Variants in SAAL1 observed in about 807,000 individuals in gnomAD.
The protein encoded by SAAL1 is serum amyloid A like 1.
Under a neutral mutation model 59.8 loss-of-function variants are expected in SAAL1, and 42 were observed. That is an observed-to-expected ratio of 0.70 (90% confidence interval 0.55 to 0.91). The LOEUF (loss-of-function observed/expected upper bound fraction) is 0.91, where lower values mean the gene tolerates loss of function less well. SAAL1 is among the 40% of genes least tolerant of loss of function. SAAL1 has a pLI of 0.00. For missense variants in SAAL1, 542 were observed against 561.1 expected (o/e 0.97, Z 0.34); for synonymous variants, 191 against 194.3 (o/e 0.98, Z 0.14).
chr11:18,097,093 C>T (rs186849365), intron 2 of SAAL1, among the ~76,000 whole-genome samples: 10 of 152,012 alleles, frequency 6.6e-5, no homozygotes, highest in Middle Eastern at 3.4e-3. Context: ...AAAAATTAGC[C>T]GGGCATGGCG....
intron 1 of SAAL1, among the ~76,000 whole-genome samples, chr11:18,104,266 G>A (rs539585293): frequency 2.5e-4 from 38 of 152,154 alleles, no homozygotes; most frequent in African/African-American, 8.9e-4. Context: ...ACCCATAATC[G>A]TTTAGAAGTC....
intron 2 of SAAL1, among the ~76,000 whole-genome samples, chr11:18,102,555 G>A (rs865929439): frequency 5.9e-5 from 9 of 151,706 alleles, no homozygotes; most frequent in South Asian, 2.1e-4. Flanking sequence ...CTGTATTTCC[G>A]GAAAAAAAGG....
chr11:18,087,516 T>A (rs1188885156), intron 7 of SAAL1, among the ~76,000 whole-genome samples: 1 of 152,224 alleles, frequency 6.6e-6, no homozygotes, highest in East Asian at 1.9e-4. Flanking sequence ...ACCTACCAGT[T>A]GATACTTTAT....
rs373111172 is a variant in SAAL1 at position 18,080,374 on chromosome 11, T to C, written c.*25A>G. The C allele has an allele frequency of 3.6e-6, 5 of 1,394,786 alleles. No individual in the cohort carries two copies. The African/African-American group carries it at 5.8e-5, about 16-fold the overall frequency. The allele number at this position is 1,394,786 out of a possible 1,614,324, so 86.4% of individuals were successfully genotyped here. A position where few individuals can be genotyped will look rare whatever the true frequency, so the allele number is the denominator to read the frequency against. Reference sequence around the variant, plus strand: ...TGAGAAAAATAAAGTTTATTTCTTGTACAGAAGTAATTCCAATTCAGGTTT... The same window carrying C: ...TGAGAAAAATAAAGTTTATTTCTTGCACAGAAGTAATTCCAATTCAGGTTT... On this transcript the variant is annotated 3_prime_UTR_variant, in exon 12 of 12. Transcript: ENST00000524803.
chr11:18,087,574 T>C (rs1336098334), intron 7 of SAAL1, among the ~76,000 whole-genome samples: 1 of 152,262 alleles, frequency 6.6e-6, no homozygotes, highest in African/African-American at 2.4e-5. Context: ...CTGCGATTTT[T>C]ATAGTATGAA....
At chr11:18,099,945 T>C (rs1421952277) in intron 2 of SAAL1, among the ~76,000 whole-genome samples, 1 of 152,150 alleles carries the variant, frequency 6.6e-6, no homozygotes, top group Non-Finnish European at 1.5e-5. Context: ...AGTGGAGAGC[T>C]CAGTTCTGAG....
At chr11:18,081,680 G>T in intron 10 of SAAL1, 177 bp from the exon 11 acceptor site, 1 of 585,142 alleles carries the variant, frequency 1.7e-6, no homozygotes, top group Non-Finnish European at 3.1e-6. Context: ...CTCCACTGTC[G>T]TCTTTACTTT....
intron 1 of SAAL1, 30 bp downstream of exon 1, chr11:18,105,877 A>T (rs1848684027): frequency 6.4e-7 from 1 of 1,558,048 alleles, no homozygotes; most frequent in Non-Finnish European, 8.7e-7. Flanking sequence ...GGATGTAGGG[A>T]CACCCCACGC....
At chr11:18,097,220 G>C in intron 2 of SAAL1, among the ~76,000 whole-genome samples, 1 of 151,658 alleles carries the variant, frequency 6.6e-6, no homozygotes, top group East Asian at 1.9e-4. Context: ...CTGGGTGACA[G>C]AGCGAGACTC....
intron 1 of SAAL1, among the ~76,000 whole-genome samples, chr11:18,105,401 T>C (rs985312890): frequency 2.7e-5 from 4 of 150,348 alleles, no homozygotes; most frequent in Admixed American, 1.3e-4. Flanking sequence ...CTCAAACTCC[T>C]GGCTCAAGCG....
chr11:18,090,133 A>AGGAATGTTTAATT (rs775639292), intron 6 of SAAL1, 42 bp downstream of exon 6: 2 of 1,482,562 alleles, frequency 1.3e-6, no homozygotes, highest in African/African-American at 3.5e-5. Flanking sequence ...AAAATTAGAT[A>AGGAATGTTTAATT]CAATTTAAAA....
intron 9 of SAAL1, 42 bp from the exon 10 acceptor site, chr11:18,083,773 T>A (rs776806157): frequency 1.4e-6 from 2 of 1,422,466 alleles, no homozygotes; most frequent in African/African-American, 2.9e-5. Context: ...GCCAGTTAAG[T>A]TTGGTTTTTC....
rs774168235 is a variant in SAAL1 at position 18,090,492 on chromosome 11, G to C, written c.415C>G (p.Gln139Glu). The C allele has an allele frequency of 6.2e-7, 1 of 1,603,738 alleles. No individual in the cohort carries two copies. The highest frequency in any genetic ancestry group is 8.5e-7 in the Non-Finnish European group (1 of 1,177,042). ...TCATACAAACAGTGCAATAACACCT[G>C]CCTACAAAAACAAAGAAGTTAACCG... ...VSISSDKNLG[Q>E]VLLHCLYDSD... Residue 139 changes from glutamine to glutamate, a missense_variant and splice_region_variant, in exon 5 of 12, where the codon CAG (glutamine) becomes GAG (glutamate). Physicochemically the swap from Gln to Glu is conservative, Grantham distance 29. Coordinates refer to ENST00000524803, the MANE Select transcript of SAAL1 (RefSeq NM_138421.3).
At position 18,081,758 on chromosome 11, in the gene SAAL1, T is replaced by C. The variant is rs561982660; in HGVS notation, c.1240-255A>G. ...CTTGGAACACAGCCAAGACTTTTCCTTCTCCCCTCCTGCTGACTCCTCCCG... is the reference window on the plus strand; with the variant it reads ...CTTGGAACACAGCCAAGACTTTTCCCTCTCCCCTCCTGCTGACTCCTCCCG... On this transcript the variant is annotated intron_variant, in intron 10 of 11. Coordinates refer to ENST00000524803, the MANE Select transcript of SAAL1 (RefSeq NM_138421.3). 28 of 405,358 alleles carry C rather than the reference T, an allele frequency of 6.9e-5. No individual in the cohort carries two copies. The East Asian group carries it at 1.0e-3, about 15-fold the overall frequency. 25.1% of individuals were successfully genotyped at this position (405,358 alleles called of 1,614,324 possible).
intron 11 of SAAL1, among the ~76,000 whole-genome samples, chr11:18,080,815 T>A (rs904202102): frequency 6.6e-6 from 1 of 152,232 alleles, no homozygotes; most frequent in African/African-American, 2.4e-5. Flanking sequence ...TGTGATGTCA[T>A]TTGAAGAACC....
chr11:18,101,701 A>T (rs779689771), intron 2 of SAAL1, among the ~76,000 whole-genome samples: 6 of 152,194 alleles, frequency 3.9e-5, no homozygotes, highest in Non-Finnish European at 7.3e-5. Context: ...GTCCATACAC[A>T]CTTGTATACA....
chr11:18,081,484 A>C lies in SAAL1; in HGVS notation c.1259T>G (p.Val420Gly). 1 of 1,614,010 alleles carries C rather than the reference A, an allele frequency of 6.2e-7. No homozygotes were observed. Among genetic ancestry groups the C allele is most frequent in the Non-Finnish European group, 8.5e-7 (1 of 1,179,942 alleles). Residue 420 changes from valine to glycine, a missense_variant, in exon 11 of 12, where the codon GTA becomes GGA. By Grantham distance (109) the Val-to-Gly change is moderately radical. Transcript: ENST00000524803. ...CTGTTTGCTCAACTGGCCTTCCTTT[A>C]CTCCCTGAGCCACCGTCTCCTAAAA... ...ALTKETVAQG[V>G]KEGQLSKQKC...
chr11:18,090,403 C>A (rs367607641), intron 5 of SAAL1, 31 bp downstream of exon 5: 15 of 1,595,878 alleles, frequency 9.4e-6, no homozygotes, highest in Non-Finnish European at 1.2e-5. Flanking sequence ...TTATGAGTAA[C>A]CTTATAGAAT....
At chr11:18,088,116 T>C (rs1272537215) in intron 7 of SAAL1, among the ~76,000 whole-genome samples, 1 of 152,222 alleles carries the variant, frequency 6.6e-6, no homozygotes, top group Non-Finnish European at 1.5e-5. Flanking sequence ...CAAGACAGCC[T>C]GGTTCAGTTG....
Sources: allele counts gnomAD v4.1 joint callset (sites outside exome capture counted in the v4.1 genomes callset), GRCh38; gene constraint gnomAD v4.1.1; transcripts MANE v1.5; gene names NCBI Gene and HGNC (gene_info 2026-07-23, HGNC 2026-07-21).